The following TCERG1 variants were observed in gnomAD, a reference collection of about 807,000 sequenced individuals.
The protein encoded by TCERG1 is transcription elongation regulator 1.
A neutral mutation model predicts 144.7 loss-of-function variants in TCERG1; 37 were observed. The ratio of observed to expected loss-of-function variants is 0.26; its 90% CI spans 0.20 to 0.34. The LOEUF (loss-of-function observed/expected upper bound fraction) is 0.34, where lower values mean the gene tolerates loss of function less well. Ranked by LOEUF, TCERG1 falls within the 10% of genes least tolerant of loss-of-function variation. TCERG1 has a pLI of 1.00. For missense variants in TCERG1, 1,027 were observed against 1,380.7 expected (o/e 0.74, Z 4.06); for synonymous variants, 492 against 458.2 (o/e 1.07, Z -0.94).
Position 146,463,674 on chromosome 5 carries a change from C to G in TCERG1, c.1016C>G (p.Thr339Arg). The G allele has an allele frequency of 6.2e-7, 1 of 1,614,200 alleles. No individual in the cohort carries two copies. The highest frequency in any genetic ancestry group is 8.5e-7 in the Non-Finnish European group (1 of 1,180,038). The change falls in exon 5 of 23, where the codon ACG becomes AGG. Residue 339 changes from threonine (T) to arginine (R), a missense_variant. Transcript: ENST00000679501. ...VQTVPQPHPQ[T>R]LPPAVPHSVP... ...ACCGTTCCCCAGCCGCACCCTCAGA[C>G]GTTACCTCCTGCTGTTCCTCATTCA...
At chr5:146,455,370 A>T (rs1762738358) in intron 2 of TCERG1, 89 bp downstream of exon 2, 1 of 1,415,024 alleles carries the variant, frequency 7.1e-7, no homozygotes, top group African/African-American at 1.4e-5. Flanking sequence ...ATTCTTAAAT[A>T]GTTTCAGTTT....
At chr5:146,463,821 C>G in intron 5 of TCERG1, 28 bp downstream of exon 5, 1 of 1,613,208 alleles carries the variant, frequency 6.2e-7, no homozygotes, top group Non-Finnish European at 8.5e-7. Context: ...AATGGTCTTT[C>G]CAGCTATGTT....
At chr5:146,461,133 G>T (rs1415971604) in intron 4 of TCERG1, among the ~76,000 whole-genome samples, 1 of 152,170 alleles carries the variant, frequency 6.6e-6, no homozygotes, top group Non-Finnish European at 1.5e-5. Flanking sequence ...AGAGTAGTGT[G>T]TCAGTAAGCT....
chr5:146,453,063 G>A (rs1463579724), intron 1 of TCERG1, among the ~76,000 whole-genome samples: 1 of 152,198 alleles, frequency 6.6e-6, no homozygotes, highest in Non-Finnish European at 1.5e-5. Context: ...CTGGCTCATA[G>A]TAAGCACTTT....
intron 2 of TCERG1, among the ~76,000 whole-genome samples, chr5:146,456,400 A>G (rs1032071047): frequency 6.6e-6 from 1 of 152,198 alleles, no homozygotes; most frequent in Non-Finnish European, 1.5e-5. Context: ...AAATATATCA[A>G]ATGTTGTGCT....
In TCERG1 at chr5:146,476,744, C is replaced by T. The variant is rs1764877366; in HGVS notation, c.1602-1749C>T. ...ATTTTCGGACTTGGGGGTCCGTCCC[C>T]ACCTCCTCTGTTCTTCAGATGAGAT... On this transcript the variant is annotated intron_variant, in intron 9 of 22. Coordinates refer to ENST00000679501, the MANE Select transcript of TCERG1 (RefSeq NM_001382548.1). Among the ~76,000 whole-genome samples, 3 of 152,094 alleles carry T rather than the reference C, an allele frequency of 2.0e-5. No individual in the cohort carries two copies. In the South Asian group the frequency reaches 6.2e-4, roughly 32 times the overall value.
At chr5:146,472,515 A>C (rs1313784717) in intron 9 of TCERG1, among the ~76,000 whole-genome samples, 1 of 152,180 alleles carries the variant, frequency 6.6e-6, no homozygotes, top group African/African-American at 2.4e-5. Context: ...CCCATGTAAG[A>C]TGGTGAACCT....
At chr5:146,505,003 G>A (rs533283792) in intron 19 of TCERG1, among the ~76,000 whole-genome samples, 2 of 150,710 alleles carry the variant, frequency 1.3e-5, no homozygotes, top group East Asian at 2.0e-4. Context: ...CCGAGATCGC[G>A]CCACTGCACT....
chr5:146,493,500 G>C (rs1726637351), intron 16 of TCERG1, among the ~76,000 whole-genome samples: 2 of 152,010 alleles, frequency 1.3e-5, no homozygotes, highest in South Asian at 4.1e-4. Flanking sequence ...AAGAAAATGA[G>C]ACATTTTAAA....
chr5:146,467,857 G>A (rs1445082431), intron 5 of TCERG1, among the ~76,000 whole-genome samples: 1 of 152,080 alleles, frequency 6.6e-6, no homozygotes, highest in Non-Finnish European at 1.5e-5. Context: ...ACCACCCCTA[G>A]CTTATTCCTT....
At position 146,489,615 on chromosome 5, in the gene TCERG1, A is replaced by G. The variant is rs557458377; in HGVS notation, c.2164-3305A>G. The stretch of plus-strand genomic sequence containing the variant: ...TTTGAAACAGAAAAGATAAAATCAT[A>G]AGTGAAATTTCACAAAATGAATATA... On this transcript the variant is annotated intron_variant, in intron 15 of 22. Transcript: ENST00000679501. Among the ~76,000 whole-genome samples the G allele has an allele frequency of 6.6e-5, 10 of 152,290 alleles. No individual in the cohort carries two copies. The East Asian group carries it at 1.7e-3, about 26-fold the overall frequency.
chr5:146,457,387 T>C (rs1244846042), intron 3 of TCERG1, 52 bp downstream of exon 3: 2 of 1,509,550 alleles, frequency 1.3e-6, no homozygotes, highest in African/African-American at 1.4e-5. Context: ...GGAGTAAAAC[T>C]TAAAGAGTTC....
chr5:146,454,806 G>A (rs1394626203), intron 1 of TCERG1, among the ~76,000 whole-genome samples: 3 of 151,922 alleles, frequency 2.0e-5, no homozygotes, highest in Admixed American at 2.0e-4. Flanking sequence ...CCATGTTGTC[G>A]AGGTTGGTCT....
At chr5:146,484,844 C>T (rs1219738632) in intron 15 of TCERG1, among the ~76,000 whole-genome samples, 1 of 152,100 alleles carries the variant, frequency 6.6e-6, no homozygotes, top group Admixed American at 6.5e-5. Context: ...CCATTAACAC[C>T]CTAATCCAAG....
intron 1 of TCERG1, among the ~76,000 whole-genome samples, chr5:146,454,344 G>T (rs1430595748): frequency 6.6e-6 from 1 of 152,054 alleles, no homozygotes; most frequent in African/African-American, 2.4e-5. Flanking sequence ...TTATCTATCT[G>T]TCCTTCTTAG....
At chr5:146,469,188 C>T (rs1764065384) in intron 6 of TCERG1, among the ~76,000 whole-genome samples, 1 of 152,018 alleles carries the variant, frequency 6.6e-6, no homozygotes, top group African/African-American at 2.4e-5. Flanking sequence ...TTGTTGTCTT[C>T]ATTAGAATTT....
chr5:146,503,094 CT>C, intron 17 of TCERG1: 1 of 165,254 alleles, frequency 6.1e-6, no homozygotes, highest in Non-Finnish European at 1.3e-5. Flanking sequence ...CTGAAAAAGC[CT>C]TTTTCTATAT....
At chr5:146,486,510 C>T (rs1162228982) in intron 15 of TCERG1, among the ~76,000 whole-genome samples, 1 of 152,188 alleles carries the variant, frequency 6.6e-6, no homozygotes, top group African/African-American at 2.4e-5. Flanking sequence ...AGTCGTTATG[C>T]TATTAACACT....
chr5:146,498,300 T>A (rs1326084475), intron 16 of TCERG1, among the ~76,000 whole-genome samples: 7 of 151,898 alleles, frequency 4.6e-5, no homozygotes, highest in African/African-American at 9.7e-5. Flanking sequence ...TTTTTTTTTT[T>A]AATAATAATA....
Sources: gnomAD v4.1 joint callset for allele counts (sites outside exome capture counted in the v4.1 genomes callset) on GRCh38, gnomAD v4.1.1 for gene constraint, MANE v1.5 for transcripts, NCBI Gene and HGNC (gene_info 2026-07-23, HGNC 2026-07-21) for gene names.